The following PPFIA2 variants were observed in gnomAD, a reference collection of about 807,000 sequenced individuals.
PPFIA2 encodes liprin-alpha-2.
Under a neutral mutation model 175.5 loss-of-function variants are expected in PPFIA2, and 46 were observed. The observed-to-expected ratio is 0.26, with a 90% confidence interval of 0.21 to 0.34. The LOEUF is 0.34. PPFIA2 is among the 10% of genes least tolerant of loss of function. The probability of loss-of-function intolerance (pLI) is 1.00; values close to 1 mark genes in which losing one functional copy is unlikely to be tolerated. For missense variants in PPFIA2, 1,179 were observed against 1,506.1 expected, an observed-to-expected ratio of 0.78 and a Z score of 3.60; for synonymous variants, 568 against 511.4, an observed-to-expected ratio of 1.11 and a Z score of -1.49.
intron 3 of PPFIA2, among the ~76,000 whole-genome samples, chr12:81,734,846 G>A (rs766919788): frequency 2.0e-5 from 3 of 151,714 alleles, no homozygotes; most frequent in Non-Finnish European, 2.9e-5. Flanking sequence ...ACCTCCAGCC[G>A]TAGGCAAACT....
chr12:81,558,112 T>C (rs1171439287), intron 4 of PPFIA2, among the ~76,000 whole-genome samples: 1 of 152,148 alleles, frequency 6.6e-6, no homozygotes, highest in South Asian at 2.1e-4. Context: ...GATAAGAATC[T>C]ATCAAGTTTA....
At chr12:81,500,472 GGA>G (rs1338389863) in intron 4 of PPFIA2, among the ~76,000 whole-genome samples, 4 of 152,264 alleles carry the variant, frequency 2.6e-5, no homozygotes, top group African/African-American at 7.2e-5. Flanking sequence ...ACTTTAATTT[GGA>G]GAGTTTCCAG....
chr12:81,650,018 T>G (rs9788181), intron 4 of PPFIA2, among the ~76,000 whole-genome samples: 48,741 of 151,702 alleles, frequency 0.32, 9,861 homozygotes, highest in African/African-American at 0.58. Flanking sequence ...TTTTGTTTTT[T>G]TTTTTTCCTG....
At chr12:81,301,593 TG>T (rs2047858683) in intron 22 of PPFIA2, among the ~76,000 whole-genome samples, 1 of 152,206 alleles carries the variant, frequency 6.6e-6, no homozygotes, top group African/African-American at 2.4e-5. Context: ...AATCACTTCC[TG>T]TCTCACTGGA....
intron 4 of PPFIA2, among the ~76,000 whole-genome samples, chr12:81,594,690 G>C (rs1378333420): frequency 6.6e-6 from 1 of 152,072 alleles, no homozygotes; most frequent in East Asian, 1.9e-4. Context: ...CAGTGTTGGA[G>C]GATTGCTTGA....
At chr12:81,676,965 T>G in intron 3 of PPFIA2, 121 bp from the exon 4 acceptor site, 1 of 634,318 alleles carries the variant, frequency 1.6e-6, no homozygotes, top group Non-Finnish European at 2.5e-6. Context: ...TTTTATTATT[T>G]TTTTGCAATC....
At chr12:81,483,887 T>A (rs1044285523) in intron 4 of PPFIA2, among the ~76,000 whole-genome samples, 4 of 152,066 alleles carry the variant, frequency 2.6e-5, no homozygotes, top group Non-Finnish European at 5.9e-5. Context: ...CATTTCAAAG[T>A]ATTTTATAGA....
chr12:81,512,462 G>A (rs954419241), intron 4 of PPFIA2: 1 of 626,430 alleles, frequency 1.6e-6, no homozygotes, highest in Non-Finnish European at 2.2e-6. Context: ...TTCCTTTAAA[G>A]TTAACTCATT....
chr12:81,555,492 T>C (rs1365620944), intron 4 of PPFIA2, among the ~76,000 whole-genome samples: 1 of 152,044 alleles, frequency 6.6e-6, no homozygotes, highest in Non-Finnish European at 1.5e-5. Flanking sequence ...GTAGATATTA[T>C]GCTTTATTAT....
chr12:81,653,683 A>T (rs1306367438), intron 4 of PPFIA2, among the ~76,000 whole-genome samples: 2 of 152,030 alleles, frequency 1.3e-5, no homozygotes, highest in East Asian at 3.9e-4. Flanking sequence ...ATAAGGTCAC[A>T]TTCTGAGGTT....
intron 27 of PPFIA2, among the ~76,000 whole-genome samples, chr12:81,277,927 A>G (rs2040971197): frequency 6.6e-6 from 1 of 152,222 alleles, no homozygotes; most frequent in Non-Finnish European, 1.5e-5. Context: ...AGAACCAGTC[A>G]GCAGATATTG....
chr12:81,618,614 C>T (rs138706913), intron 4 of PPFIA2, among the ~76,000 whole-genome samples: 9,071 of 149,186 alleles, frequency 0.061, 389 homozygotes, highest in East Asian at 0.25. Flanking sequence ...CTGCAAGCTC[C>T]GCCTCCCAGG....
At chr12:81,623,350 A>T (rs868055453) in intron 4 of PPFIA2, among the ~76,000 whole-genome samples, 1 of 152,066 alleles carries the variant, frequency 6.6e-6, no homozygotes, top group Non-Finnish European at 1.5e-5. Flanking sequence ...GAGAATACAA[A>T]TAAGTGTCAT....
chr12:81,625,011 C>T (rs1362753587), intron 4 of PPFIA2, among the ~76,000 whole-genome samples: 1 of 151,704 alleles, frequency 6.6e-6, no homozygotes, highest in African/African-American at 2.4e-5. Flanking sequence ...ACATACATTG[C>T]TAAAAATGTA....
chr12:81,447,934 A>G (rs2051625149), intron 5 of PPFIA2, among the ~76,000 whole-genome samples: 1 of 152,194 alleles, frequency 6.6e-6, no homozygotes, highest in Non-Finnish European at 1.5e-5. Flanking sequence ...GCTAATTAAC[A>G]TTATTATGTA....
intron 27 of PPFIA2, among the ~76,000 whole-genome samples, chr12:81,280,285 C>T (rs557146074): frequency 1.3e-5 from 2 of 152,234 alleles, no homozygotes; most frequent in African/African-American, 4.8e-5. Flanking sequence ...CCATCCAGCA[C>T]TTTAATGGGT....
chr12:81,711,159 T>C (rs1326407865), intron 3 of PPFIA2, among the ~76,000 whole-genome samples: 1 of 151,102 alleles, frequency 6.6e-6, no homozygotes, highest in Non-Finnish European at 1.5e-5. Flanking sequence ...ACCCAGGAAT[T>C]TGAGGCTGCA....
At chr12:81,262,149 A>G in intron 31 of PPFIA2, 109 bp from the exon 32 acceptor site, 2 of 741,422 alleles carry the variant, frequency 2.7e-6, no homozygotes, top group South Asian at 3.2e-5. Flanking sequence ...ATATTAGTAG[A>G]CCTTCTTTCT....
chr12:81,355,620 T>G (rs756244664), intron 16 of PPFIA2, among the ~76,000 whole-genome samples: 5 of 152,224 alleles, frequency 3.3e-5, no homozygotes, highest in Non-Finnish European at 7.3e-5. Flanking sequence ...CGTAGCTAGA[T>G]CTTCTGAATA....
Sources: allele counts gnomAD v4.1 joint callset (sites outside exome capture counted in the v4.1 genomes callset), GRCh38; gene constraint gnomAD v4.1.1; transcripts MANE v1.5; gene names NCBI Gene and HGNC (gene_info 2026-07-23, HGNC 2026-07-21).